Variants in ADCY2 observed in about 807,000 individuals in gnomAD.
ADCY2 encodes adenylate cyclase 2, also known as adenylate cyclase type 2.
A neutral mutation model predicts 125.2 loss-of-function variants in ADCY2; 31 were observed. That is an observed-to-expected ratio of 0.25 (90% CI 0.19 to 0.33). ADCY2 has a LOEUF of 0.33. ADCY2 is among the 10% of genes least tolerant of loss of function. The pLI is 1.00. For synonymous variants in ADCY2, 512 were observed against 548.4 expected (o/e 0.93, Z 0.93); for missense variants, 904 against 1,418.2 (o/e 0.64, Z 5.82).
chr5:7,638,393 T>C (rs1472471409), intron 4 of ADCY2, among the ~76,000 whole-genome samples: 2 of 152,096 alleles, frequency 1.3e-5, no homozygotes, highest in African/African-American at 4.8e-5. Flanking sequence ...CTGAAGAAAA[T>C]GACCATCCCT....
chr5:7,622,092 A>ATGTCT (rs1346236335), intron 3 of ADCY2, among the ~76,000 whole-genome samples: 1 of 152,234 alleles, frequency 6.6e-6, no homozygotes, highest in East Asian at 1.9e-4. Flanking sequence ...TCAAGATGGT[A>ATGTCT]TGATGTTATA....
chr5:7,783,464 G>A (rs939008605), intron 18 of ADCY2, among the ~76,000 whole-genome samples: 2 of 151,796 alleles, frequency 1.3e-5, no homozygotes, highest in Admixed American at 6.6e-5. Flanking sequence ...AAGCCCACCT[G>A]GGCTTTTAAT....
intron 3 of ADCY2, among the ~76,000 whole-genome samples, chr5:7,559,723 T>C (rs980169172): frequency 1.3e-5 from 2 of 152,172 alleles, no homozygotes; most frequent in Non-Finnish European, 2.9e-5. Context: ...TGAATAGAAG[T>C]GGTGAGAGAG....
At chr5:7,607,899 T>G (rs1737435728) in intron 3 of ADCY2, among the ~76,000 whole-genome samples, 1 of 152,182 alleles carries the variant, frequency 6.6e-6, no homozygotes, top group South Asian at 2.1e-4. Context: ...AATGATGTAA[T>G]CACACCAAAG....
At chr5:7,624,243 C>T (rs1738050252) in intron 3 of ADCY2, among the ~76,000 whole-genome samples, 2 of 152,200 alleles carry the variant, frequency 1.3e-5, no homozygotes, top group Non-Finnish European at 2.9e-5. Context: ...TCACTGTTTT[C>T]CTCCTGTGTT....
At chr5:7,816,231 G>T (rs1264971327) in intron 22 of ADCY2, among the ~76,000 whole-genome samples, 1 of 152,234 alleles carries the variant, frequency 6.6e-6, no homozygotes. Flanking sequence ...GGCAAAAGGA[G>T]GGGGATGTTC....
intron 2 of ADCY2, among the ~76,000 whole-genome samples, chr5:7,440,928 A>T (rs1740990384): frequency 6.6e-6 from 1 of 152,162 alleles, no homozygotes; most frequent in South Asian, 2.1e-4. Context: ...GAGGTAGAAG[A>T]TGCTGCTGTC....
At chr5:7,539,450 C>T (rs1032459872) in intron 3 of ADCY2, among the ~76,000 whole-genome samples, 9 of 152,104 alleles carry the variant, frequency 5.9e-5, no homozygotes, top group Admixed American at 1.3e-4. Context: ...AGTTTGCAGA[C>T]AGTAACTGCT....
At chr5:7,428,680 A>G (rs567274832) in intron 2 of ADCY2, among the ~76,000 whole-genome samples, 20 of 152,324 alleles carry the variant, frequency 1.3e-4, no homozygotes, top group African/African-American at 4.6e-4. Context: ...TTGTATGTCC[A>G]TGTTCAAACA....
intron 17 of ADCY2, among the ~76,000 whole-genome samples, chr5:7,768,588 A>G (rs1261248368): frequency 6.6e-6 from 1 of 152,238 alleles, no homozygotes; most frequent in African/African-American, 2.4e-5. Flanking sequence ...TTTGAGCCGA[A>G]CAACTCACCA....
chr5:7,586,563 GTCT>G (rs751366309), intron 3 of ADCY2, among the ~76,000 whole-genome samples: 3 of 152,034 alleles, frequency 2.0e-5, no homozygotes, highest in Non-Finnish European at 4.4e-5. Context: ...TTTGCTGCAG[GTCT>G]TCATTTTCGA....
chr5:7,525,730 C>G (rs927516953), intron 3 of ADCY2, among the ~76,000 whole-genome samples: 4 of 152,086 alleles, frequency 2.6e-5, no homozygotes, highest in African/African-American at 9.7e-5. Flanking sequence ...CACTTCCAAG[C>G]AACCATAGGT....
At chr5:7,587,628 A>G (rs1417432772) in intron 3 of ADCY2, among the ~76,000 whole-genome samples, 1 of 152,198 alleles carries the variant, frequency 6.6e-6, no homozygotes, top group Non-Finnish European at 1.5e-5. Context: ...GAAATGTGGT[A>G]GCGGATTAAA....
At chr5:7,751,562 T>C (rs1742815446) in intron 15 of ADCY2, among the ~76,000 whole-genome samples, 8 of 152,174 alleles carry the variant, frequency 5.3e-5, no homozygotes. Flanking sequence ...GGAATTCTTA[T>C]TATGAATCAG....
At chr5:7,499,157 G>A (rs1213866901) in intron 2 of ADCY2, among the ~76,000 whole-genome samples, 3 of 152,080 alleles carry the variant, frequency 2.0e-5, no homozygotes, top group East Asian at 1.9e-4. Context: ...ACAGGCATGC[G>A]CCACCACAGC....
Position 7,666,134 on chromosome 5 carries a change from A to G in ADCY2, c.721-24557A>G, listed in dbSNP as rs200820550. Among the ~76,000 whole-genome samples the G allele has an allele frequency of 5.3e-3, 797 of 150,534 alleles. 4 individuals carry two copies. The highest frequency in any genetic ancestry group is 7.4e-3 in the Non-Finnish European group (497 of 67,518). ...ATTACAGGCGTGAGCCACTGCGCCC[A>G]GCCCTTATTTAATTCTTAGGAAAAA... is the stretch of plus-strand genomic sequence containing the variant. On this transcript the variant is annotated intron_variant, in intron 4 of 24. Coordinates refer to ENST00000338316, the MANE Select transcript of ADCY2 (RefSeq NM_020546.3).
At chr5:7,668,996 T>C (rs369981270) in intron 4 of ADCY2, among the ~76,000 whole-genome samples, 2 of 152,220 alleles carry the variant, frequency 1.3e-5, no homozygotes, top group East Asian at 3.9e-4. Context: ...TGTGCCTGGT[T>C]CTAACTGCAC....
intron 2 of ADCY2, among the ~76,000 whole-genome samples, chr5:7,476,794 C>G (rs1236948158): frequency 6.6e-6 from 1 of 152,206 alleles, no homozygotes; most frequent in African/African-American, 2.4e-5. Flanking sequence ...ACATTATTCT[C>G]TTATTTATAA....
At position 7,702,268 on chromosome 5, in the gene ADCY2, G is replaced by A. The variant is rs180977724; in HGVS notation, c.1109+3894G>A. 2.8e-3 allele frequency among the ~76,000 whole-genome samples: 393 copies of A among 142,772 alleles called. 1 individual carries two copies. The highest frequency in any genetic ancestry group is 3.8e-3 in the Non-Finnish European group (252 of 66,374). 93.7% of individuals were successfully genotyped at this position (142,772 alleles called of 152,430 possible). On this transcript the variant is annotated intron_variant, in intron 7 of 24. Transcript: ENST00000338316. ...TTAAACTTTCAGTTCTAGGGTACAT[G>A]TGCACAAAGTACAGATTTGTTATAT...
Sources: allele counts gnomAD v4.1 joint callset (sites outside exome capture counted in the v4.1 genomes callset), GRCh38; gene constraint gnomAD v4.1.1; transcripts MANE v1.5; gene names NCBI Gene and HGNC (gene_info 2026-07-23, HGNC 2026-07-21).